The following KLF8 variants were observed in gnomAD, a reference collection of about 807,000 sequenced individuals.
KLF8 encodes KLF transcription factor 8, also known as Krueppel-like factor 8.
Under a neutral mutation model 18.2 loss-of-function variants are expected in KLF8, and 10 were observed. The observed-to-expected ratio is 0.55, with a 90% CI of 0.34 to 0.93. KLF8 has a LOEUF of 0.93. Ranked by LOEUF, KLF8 falls within the 40% of genes least tolerant of loss-of-function variation. The pLI, the probability that KLF8 is intolerant of heterozygous loss-of-function variation, is 0.02. For synonymous variants in KLF8, 109 were observed against 97.3 expected (o/e 1.12, Z -0.71); for missense variants, 264 against 277.9 (o/e 0.95, Z 0.36).
chrX:56,142,183 A>G, the KLF8 span, among the ~76,000 whole-genome samples: 5 of 111,872 alleles, frequency 4.5e-5, no homozygotes, highest in Admixed American at 3.8e-4. Context: ...ATTTTTAACT[A>G]TAGGATTTTA....
intron 2 of KLF8, among the ~76,000 whole-genome samples, chrX:56,256,163 T>G (rs749330957): frequency 7.2e-5 from 8 of 111,836 alleles, no homozygotes; most frequent in Non-Finnish European, 1.1e-4. Context: ...TTCAATTCAT[T>G]GACATGTAAT....
chrX:56,117,320 C>T, the KLF8 span, among the ~76,000 whole-genome samples: 1 of 111,766 alleles, frequency 8.9e-6, no homozygotes, highest in African/African-American at 3.3e-5. Flanking sequence ...ACAAACATTC[C>T]CTGAGCATCT....
chrX:56,226,173 C>T, the KLF8 span, among the ~76,000 whole-genome samples: 3 of 111,880 alleles, frequency 2.7e-5, no homozygotes, highest in Admixed American at 2.8e-4. Flanking sequence ...GGCAAGGTTG[C>T]TTCATATTTA....
chrX:56,158,353 G>A, the KLF8 span, among the ~76,000 whole-genome samples: 31 of 111,782 alleles, frequency 2.8e-4, no homozygotes, highest in Non-Finnish European at 2.3e-4. Context: ...TTTTGGCTTA[G>A]GATTCACTTG....
the KLF8 span, among the ~76,000 whole-genome samples, chrX:56,070,381 G>A: frequency 1.8e-5 from 2 of 111,150 alleles, no homozygotes; most frequent in East Asian, 2.8e-4. Flanking sequence ...AAACCTGCAC[G>A]TTCTGCACAG....
At chrX:56,053,841 T>G in the KLF8 span, among the ~76,000 whole-genome samples, 1 of 111,055 alleles carries the variant, frequency 9.0e-6, no homozygotes, top group South Asian at 3.8e-4. Flanking sequence ...TCTGTAGGGT[T>G]TGTGGTAATA....
At chrX:56,147,360 C>T in the KLF8 span, among the ~76,000 whole-genome samples, 4 of 111,776 alleles carry the variant, frequency 3.6e-5, no homozygotes, top group Non-Finnish European at 7.5e-5. Flanking sequence ...ATTGTGGCAT[C>T]TTAAAAGGGG....
At chrX:55,941,272 G>T in the KLF8 span, among the ~76,000 whole-genome samples, 1 of 112,114 alleles carries the variant, frequency 8.9e-6, no homozygotes, top group Non-Finnish European at 1.9e-5. Flanking sequence ...AATGGGGAAA[G>T]GATTCCCTAT....
the KLF8 span, among the ~76,000 whole-genome samples, chrX:56,061,334 A>G: frequency 6.3e-5 from 7 of 111,866 alleles, no homozygotes; most frequent in Non-Finnish European, 9.4e-5. Context: ...ACACTGCTTT[A>G]GCTGTATCCC....
the KLF8 span, among the ~76,000 whole-genome samples, chrX:55,910,913 T>G: frequency 8.9e-6 from 1 of 111,786 alleles, no homozygotes; most frequent in Non-Finnish European, 1.9e-5. Flanking sequence ...CAAATGCACT[T>G]GAAACTACTG....
the KLF8 span, among the ~76,000 whole-genome samples, chrX:55,979,109 G>A: frequency 3.6e-5 from 4 of 111,041 alleles, no homozygotes; most frequent in African/African-American, 1.3e-4. Context: ...AGAGAGAGAT[G>A]TGCAGTAATC....
At chrX:56,071,935 C>T in the KLF8 span, among the ~76,000 whole-genome samples, 1 of 111,904 alleles carries the variant, frequency 8.9e-6, no homozygotes, top group East Asian at 2.8e-4. Flanking sequence ...TGAAATTTCT[C>T]ATGACACTGC....
chrX:56,139,330 A>G, the KLF8 span, among the ~76,000 whole-genome samples: 1 of 111,970 alleles, frequency 8.9e-6, no homozygotes, highest in African/African-American at 3.2e-5. Context: ...ACCAGAAAAG[A>G]GCTCGAACGG....
At chrX:56,112,487 A>T in the KLF8 span, among the ~76,000 whole-genome samples, 3 of 112,277 alleles carry the variant, frequency 2.7e-5, no homozygotes, top group South Asian at 3.7e-4. Context: ...AATAAAAAAA[A>T]TTTTAAAAAA....
chrX:56,137,072 T>C, the KLF8 span, among the ~76,000 whole-genome samples: 2 of 110,569 alleles, frequency 1.8e-5, no homozygotes, highest in Non-Finnish European at 3.8e-5. Flanking sequence ...CTCACACCAG[T>C]TAGAATGGCA....
chrX:55,972,938 A>G, the KLF8 span, among the ~76,000 whole-genome samples: 1 of 112,255 alleles, frequency 8.9e-6, no homozygotes, highest in Non-Finnish European at 1.9e-5. Context: ...GCAAAGCCAG[A>G]GGCATCACAC....
chrX:56,178,132 C>A, the KLF8 span, among the ~76,000 whole-genome samples: 3 of 112,027 alleles, frequency 2.7e-5, no homozygotes, highest in East Asian at 8.5e-4. Context: ...TGACACTCCG[C>A]AGTGAGGTGA....
At chrX:55,987,943 G>A in the KLF8 span, among the ~76,000 whole-genome samples, 1 of 112,318 alleles carries the variant, frequency 8.9e-6, no homozygotes, top group Non-Finnish European at 1.9e-5. Flanking sequence ...GCATTTCTCT[G>A]ATGGCCAGTG....
chrX:56,047,082 T>C, the KLF8 span, among the ~76,000 whole-genome samples: 1 of 109,934 alleles, frequency 9.1e-6, no homozygotes, highest in African/African-American at 3.3e-5. Context: ...TTGTCTTTGA[T>C]GATTTGGGTT....
Sources: allele counts gnomAD v4.1 joint callset (sites outside exome capture counted in the v4.1 genomes callset), GRCh38; gene constraint gnomAD v4.1.1; transcripts MANE v1.5; gene names NCBI Gene and HGNC (gene_info 2026-07-23, HGNC 2026-07-21).